The following COL21A1 variants were observed in gnomAD, a reference collection of about 807,000 sequenced individuals.
COL21A1 encodes the protein collagen type XXI alpha 1 chain.
A neutral mutation model predicts 137.9 loss-of-function variants in COL21A1; 149 were observed. That is an observed-to-expected ratio of 1.08 (90% confidence interval 0.95 to 1.24). The LOEUF (loss-of-function observed/expected upper bound fraction) is 1.24. Among genes scored for constraint, COL21A1 ranks in the 50% most tolerant of loss-of-function variants. The pLI is 0.00. For missense variants in COL21A1, 1,167 were observed against 1,158.4 expected (o/e 1.01, Z -0.11); for synonymous variants, 456 against 391.5 (o/e 1.16, Z -1.95).
At chr6:56,080,735 T>G (rs899991898) in intron 17 of COL21A1, among the ~76,000 whole-genome samples, 2 of 151,892 alleles carry the variant, frequency 1.3e-5, no homozygotes, top group Non-Finnish European at 2.9e-5. Context: ...ATGGTAGAGA[T>G]ATTTAATATC....
intron 9 of COL21A1, among the ~76,000 whole-genome samples, chr6:56,164,047 C>A (rs570615330): frequency 2.0e-5 from 3 of 152,252 alleles, no homozygotes; most frequent in South Asian, 4.1e-4. Context: ...ATTATTTTGA[C>A]AAATTAAGAA....
intron 12 of COL21A1, among the ~76,000 whole-genome samples, chr6:56,141,108 G>A (rs1774375165): frequency 6.6e-6 from 1 of 152,122 alleles, no homozygotes; most frequent in Non-Finnish European, 1.5e-5. Flanking sequence ...ACTAAAGAAT[G>A]AAATCAGTAT....
chr6:56,272,279 G>T (rs114369279), intron 1 of COL21A1, among the ~76,000 whole-genome samples: 1 of 152,244 alleles, frequency 6.6e-6, no homozygotes. Flanking sequence ...AGTCATAGGA[G>T]ATTATTTTGG....
intron 1 of COL21A1, among the ~76,000 whole-genome samples, chr6:56,348,669 C>A (rs556137945): frequency 6.6e-6 from 1 of 152,196 alleles, no homozygotes; most frequent in Admixed American, 6.5e-5. Context: ...GAATCCTGGT[C>A]CAAAAGGTGA....
At chr6:56,294,455 G>C (rs1434570753) in intron 1 of COL21A1, among the ~76,000 whole-genome samples, 3 of 152,040 alleles carry the variant, frequency 2.0e-5, no homozygotes, top group Non-Finnish European at 4.4e-5. Context: ...ATAGAAAACT[G>C]ATCAGAATAT....
chr6:56,224,940 A>AATGCTGTTGAGCAAGATACCATGC (rs2152314502), intron 1 of COL21A1, among the ~76,000 whole-genome samples: 1 of 152,214 alleles, frequency 6.6e-6, no homozygotes, highest in South Asian at 2.1e-4. Flanking sequence ...AAAGAACAGC[A>AATGCTGTTGAGCAAGATACCATGC]ATGCTGTTGA....
At chr6:56,079,111 C>G (rs1562161133) in intron 17 of COL21A1, among the ~76,000 whole-genome samples, 1 of 151,680 alleles carries the variant, frequency 6.6e-6, no homozygotes, top group African/African-American at 2.4e-5. Context: ...TGAAACCACC[C>G]TGTGACCTCC....
chr6:56,229,352 A>G (rs1270175806), intron 1 of COL21A1, among the ~76,000 whole-genome samples: 1 of 152,044 alleles, frequency 6.6e-6, no homozygotes, highest in Non-Finnish European at 1.5e-5. Flanking sequence ...TGGCCAATAG[A>G]GAGAGACCCT....
intron 17 of COL21A1, among the ~76,000 whole-genome samples, chr6:56,083,533 G>A (rs926340901): frequency 1.3e-5 from 2 of 151,926 alleles, no homozygotes; most frequent in African/African-American, 2.4e-5. Flanking sequence ...TCTCTTTGCT[G>A]TGGAAAGTAC....
At chr6:56,330,278 A>G (rs1367025824) in intron 1 of COL21A1, among the ~76,000 whole-genome samples, 1 of 152,110 alleles carries the variant, frequency 6.6e-6, no homozygotes, top group Non-Finnish European at 1.5e-5. Context: ...CTGCTATATT[A>G]GGAGGGTAAA....
intron 1 of COL21A1, among the ~76,000 whole-genome samples, chr6:56,298,863 GCTATTA>G (rs1339568944): frequency 1.3e-5 from 2 of 152,024 alleles, no homozygotes; most frequent in African/African-American, 4.8e-5. Flanking sequence ...GTTACTACCT[GCTATTA>G]CAAATACATC....
chr6:56,234,091 G>A (rs553371823), intron 1 of COL21A1, among the ~76,000 whole-genome samples: 3 of 151,568 alleles, frequency 2.0e-5, no homozygotes, highest in East Asian at 3.9e-4. Context: ...AAGAAAGCAT[G>A]GTAAAAACAG....
intron 1 of COL21A1, among the ~76,000 whole-genome samples, chr6:56,261,701 C>T (rs1763281368): frequency 6.6e-6 from 1 of 152,210 alleles, no homozygotes; most frequent in Non-Finnish European, 1.5e-5. Context: ...TGGACAAATA[C>T]AGTCAGGTAA....
intron 17 of COL21A1, among the ~76,000 whole-genome samples, chr6:56,090,283 G>T (rs867723858): frequency 1.3e-5 from 2 of 152,218 alleles, no homozygotes; most frequent in South Asian, 2.1e-4. Flanking sequence ...GATCAGTGCC[G>T]TAGACACAGA....
intron 1 of COL21A1, among the ~76,000 whole-genome samples, chr6:56,393,723 C>T (rs547000923): frequency 1.6e-4 from 24 of 152,244 alleles, no homozygotes; most frequent in Admixed American, 1.6e-3. Flanking sequence ...GCAGCCTACA[C>T]CATGAGGCAG....
intron 9 of COL21A1, among the ~76,000 whole-genome samples, chr6:56,158,298 G>A (rs1775941961): frequency 8.2e-6 from 1 of 122,208 alleles, no homozygotes; most frequent in Non-Finnish European, 1.7e-5. Flanking sequence ...TCTGAGATGG[G>A]GTCTTGCTTT....
chr6:56,208,404 A>G (rs1436428331), intron 1 of COL21A1, among the ~76,000 whole-genome samples: 2 of 152,202 alleles, frequency 1.3e-5, no homozygotes, highest in African/African-American at 4.8e-5. Flanking sequence ...GAGCCAAATC[A>G]TGTGTGAACT....
intron 16 of COL21A1, among the ~76,000 whole-genome samples, chr6:56,111,111 T>C (rs1003051366): frequency 2.6e-5 from 4 of 151,288 alleles, no homozygotes; most frequent in African/African-American, 4.9e-5. Context: ...TACATTCTGA[T>C]TTGATAAAAA....
Position 56,353,626 on chromosome 6 carries a change from A to G in COL21A1, c.-39+40345T>C, listed in dbSNP as rs57085536. On this transcript the variant is annotated intron_variant, in intron 1 of 28. Transcript: ENST00000370819. ...GCCTGGAGTGGTTTATTATGAATCA[A>G]TTAGGTAAAACTTGGCTCTTCATCC... Among the ~76,000 whole-genome samples the G allele has an allele frequency of 7.2e-3, 1,100 of 152,368 alleles. 10 individuals are homozygous for G. The highest frequency in any genetic ancestry group is 0.025 in the African/African-American group (1,032 of 41,596).
Sources: allele counts gnomAD v4.1 joint callset (sites outside exome capture counted in the v4.1 genomes callset), GRCh38; gene constraint gnomAD v4.1.1; transcripts MANE v1.5; gene names NCBI Gene and HGNC (gene_info 2026-07-23, HGNC 2026-07-21).